STXBP4: variants seen among roughly 807,000 people sequenced by gnomAD.
STXBP4 encodes syntaxin-binding protein 4.
STXBP4 carries 55 observed loss-of-function variants against 76.1 expected under a neutral mutation model. The ratio of observed to expected loss-of-function variants is 0.72; its 90% CI spans 0.58 to 0.91. The LOEUF (loss-of-function observed/expected upper bound fraction) is 0.91, where lower values mean the gene tolerates loss of function less well. STXBP4 is among the 40% of genes least tolerant of loss of function. STXBP4 has a pLI of 0.00. For synonymous variants in STXBP4, 201 were observed against 220.2 expected (o/e 0.91, Z 0.77); for missense variants, 618 against 636.9 (o/e 0.97, Z 0.32).
the STXBP4 span, among the ~76,000 whole-genome samples, chr17:55,203,685 C>G: frequency 1.3e-5 from 2 of 152,114 alleles, no homozygotes; most frequent in Non-Finnish European, 2.9e-5. Context: ...TACACATCCT[C>G]TAATAGAACT....
chr17:55,051,036 A>G (rs1040733108), intron 12 of STXBP4, among the ~76,000 whole-genome samples: 1 of 152,140 alleles, frequency 6.6e-6, no homozygotes, highest in Non-Finnish European at 1.5e-5. Context: ...TTGAAAATAC[A>G]CCTGCCTATT....
intron 16 of STXBP4, among the ~76,000 whole-genome samples, chr17:55,120,641 A>C (rs2079833704): frequency 6.6e-6 from 1 of 152,202 alleles, no homozygotes; most frequent in Non-Finnish European, 1.5e-5. Context: ...TTGTAGACAT[A>C]CTGGGTAAAA....
At chr17:55,084,616 T>A (rs1422924153) in intron 16 of STXBP4, among the ~76,000 whole-genome samples, 2 of 151,604 alleles carry the variant, frequency 1.3e-5, no homozygotes, top group Non-Finnish European at 2.9e-5. Flanking sequence ...TGGTTTTAGG[T>A]CTAACGTTTA....
chr17:55,160,017 T>C lies in STXBP4; in HGVS notation c.*106T>C, dbSNP rs1264167387. ...AAATAGGAGTAAAGCATGCACTACTTGTTGAAGTGTGAAATGGAGACTCTG... is the reference window on the plus strand; with the variant it reads ...AAATAGGAGTAAAGCATGCACTACTCGTTGAAGTGTGAAATGGAGACTCTG... On this transcript the variant is annotated 3_prime_UTR_variant, in exon 18 of 18. Coordinates refer to ENST00000376352, the MANE Select transcript of STXBP4 (RefSeq NM_178509.6). 1 of 624,734 alleles carries C rather than the reference T, an allele frequency of 1.6e-6. No homozygotes were observed. The highest frequency in any genetic ancestry group is 2.8e-6 in the Non-Finnish European group (1 of 357,974). 38.7% of individuals were successfully genotyped at this position (624,734 alleles called of 1,614,324 possible).
chr17:55,135,685 A>G (rs1211459716), intron 16 of STXBP4, among the ~76,000 whole-genome samples: 2 of 152,108 alleles, frequency 1.3e-5, no homozygotes, highest in East Asian at 3.8e-4. Flanking sequence ...AACTTGTACA[A>G]TTGTAAACAT....
At chr17:55,127,670 C>G (rs571558162) in intron 16 of STXBP4, among the ~76,000 whole-genome samples, 3 of 152,058 alleles carry the variant, frequency 2.0e-5, no homozygotes, top group Non-Finnish European at 2.9e-5. Flanking sequence ...AAAAATAACC[C>G]TCTATGAAGG....
At chr17:55,112,928 CAT>C (rs575235746) in intron 16 of STXBP4, among the ~76,000 whole-genome samples, 2 of 152,044 alleles carry the variant, frequency 1.3e-5, no homozygotes, top group Admixed American at 1.3e-4. Flanking sequence ...AAGGGGACAA[CAT>C]GTGAAAAAAG....
At chr17:55,146,961 C>T (rs1453452961) in intron 17 of STXBP4, among the ~76,000 whole-genome samples, 2 of 152,208 alleles carry the variant, frequency 1.3e-5, no homozygotes. Flanking sequence ...ATCACTTCTG[C>T]TATGTGACCA....
chr17:55,196,340 C>T, the STXBP4 span, among the ~76,000 whole-genome samples: 1 of 152,120 alleles, frequency 6.6e-6, no homozygotes. Flanking sequence ...TGCCACACAC[C>T]CCATACTCCA....
At chr17:55,048,414 A>G (rs957868672) in intron 12 of STXBP4, among the ~76,000 whole-genome samples, 1 of 151,836 alleles carries the variant, frequency 6.6e-6, no homozygotes, top group African/African-American at 2.4e-5. Flanking sequence ...TATCTCCATC[A>G]TTATAAAACG....
chr17:55,061,787 C>T (rs11651927), intron 12 of STXBP4, among the ~76,000 whole-genome samples: 30,780 of 152,082 alleles, frequency 0.2, 3,352 homozygotes, highest in Middle Eastern at 0.35. Flanking sequence ...CCTTGGGATT[C>T]GTCTAGATTC....
the STXBP4 span, among the ~76,000 whole-genome samples, chr17:55,187,725 G>A: frequency 6.6e-6 from 1 of 152,090 alleles, no homozygotes; most frequent in Non-Finnish European, 1.5e-5. Flanking sequence ...TGGACCACGG[G>A]ATGGCTGTGA....
At chr17:55,130,497 C>T (rs2079962759) in intron 16 of STXBP4, among the ~76,000 whole-genome samples, 1 of 152,098 alleles carries the variant, frequency 6.6e-6, no homozygotes, top group Admixed American at 6.6e-5. Flanking sequence ...TTAACATTTT[C>T]ATCACCTCAT....
At chr17:55,205,932 G>A in the STXBP4 span, among the ~76,000 whole-genome samples, 2 of 151,816 alleles carry the variant, frequency 1.3e-5, no homozygotes, top group African/African-American at 4.8e-5. Context: ...ATTTCTAGCA[G>A]TATAAAATTG....
intron 4 of STXBP4, among the ~76,000 whole-genome samples, chr17:54,994,226 T>TG (rs753678884): frequency 2.0e-5 from 3 of 152,212 alleles, no homozygotes; most frequent in East Asian, 3.8e-4. Flanking sequence ...CATATCTATC[T>TG]GGGGTCAATC....
At chr17:55,211,867 G>A in the STXBP4 span, among the ~76,000 whole-genome samples, 1 of 132,364 alleles carries the variant, frequency 7.6e-6, no homozygotes, top group Admixed American at 8.9e-5. Flanking sequence ...GAGTGGTGCA[G>A]TGGTGCGATC....
intron 1 of STXBP4, among the ~76,000 whole-genome samples, chr17:54,971,284 A>G (rs1190613780): frequency 1.3e-5 from 2 of 152,236 alleles, no homozygotes; most frequent in Non-Finnish European, 2.9e-5. Flanking sequence ...TTGGACTACC[A>G]ATAGCAAAAT....
rs557470484 is a variant in STXBP4 at position 55,110,718 on chromosome 17, T to G, written c.1489+29535T>G. On this transcript the variant is annotated intron_variant, in intron 16 of 17. Transcript: ENST00000376352. Reference sequence around the variant, plus strand: ...GCCATAGATAATAAGTAAACAAAGGTGTAGTGTTCCAATAAAACTTTGATT... The same window carrying G: ...GCCATAGATAATAAGTAAACAAAGGGGTAGTGTTCCAATAAAACTTTGATT... Among the ~76,000 whole-genome samples the G allele has an allele frequency of 5.9e-5, 9 of 152,286 alleles. No homozygotes were observed. The East Asian group carries it at 1.5e-3, about 26-fold the overall frequency.
intron 16 of STXBP4, among the ~76,000 whole-genome samples, chr17:55,136,109 A>T (rs1270630539): frequency 6.6e-6 from 1 of 152,196 alleles, no homozygotes; most frequent in African/African-American, 2.4e-5. Context: ...ATGTACAATG[A>T]ATTAATAATA....
Sources: gnomAD v4.1 joint callset for allele counts (sites outside exome capture counted in the v4.1 genomes callset) on GRCh38, gnomAD v4.1.1 for gene constraint, MANE v1.5 for transcripts, NCBI Gene and HGNC (gene_info 2026-07-23, HGNC 2026-07-21) for gene names.